PIR: variants seen among roughly 807,000 people sequenced by gnomAD.
The protein encoded by PIR is pirin (iron-binding nuclear protein).
A neutral mutation model predicts 24.2 loss-of-function variants in PIR; 22 were observed. The observed-to-expected ratio is 0.91, with a 90% CI of 0.65 to 1.30. The LOEUF is 1.30. PIR is among the 50% of genes most tolerant of loss of function. PIR has a pLI of 0.00. For missense variants in PIR, 220 were observed against 220.3 expected (o/e 1.00, Z 0.01); for synonymous variants, 80 against 79.6 (o/e 1.00, Z -0.03).
Position 15,456,600 on chromosome X carries a change from A to G in PIR, c.274-546T>C, listed in dbSNP as rs1255545060. On this transcript the variant is annotated intron_variant, in intron 4 of 9. Coordinates refer to ENST00000380420, the MANE Select transcript of PIR (RefSeq NM_001018109.3). ...GGGCCATCCCCAGGTGGAAAGCACA[A>G]CTTTGGGTGAGGCAATTCCCTGCTG... Among the ~76,000 whole-genome samples the G allele has an allele frequency of 4.4e-5, 5 of 112,443 alleles. No individual in the cohort carries two copies. The Admixed American group carries it at 4.7e-4, about 11-fold the overall frequency.
intron 4 of PIR, among the ~76,000 whole-genome samples, chrX:15,459,384 G>A (rs1486634418): frequency 8.9e-6 from 1 of 111,975 alleles, no homozygotes; most frequent in African/African-American, 3.2e-5. Flanking sequence ...AGATAAGGAA[G>A]TTGGGATATC....
chrX:15,459,637 T>A lies in PIR; in HGVS notation c.273+20A>T, dbSNP rs1354599711. The A allele has an allele frequency of 9.2e-7, 1 of 1,091,695 alleles. No individual in the cohort carries two copies. The highest frequency in any genetic ancestry group is 2.2e-5 in the Admixed American group (1 of 45,667). The allele number at this position is 1,091,695 out of a possible 1,213,427, so 90.0% of individuals were successfully genotyped here. ...CCAAAAACTACTAAACCACCAGCAA[T>A]TCCTTGTCCTTGGCCATACCTGCAA... On this transcript the variant is annotated intron_variant, in intron 4 of 9. Coordinates refer to ENST00000380420, the MANE Select transcript of PIR (RefSeq NM_001018109.3).
chrX:15,431,673 C>A lies in PIR; in HGVS notation c.481-5683G>T, dbSNP rs1297291656. 1.5e-4 allele frequency among the ~76,000 whole-genome samples: 14 copies of A among 96,539 alleles called. 1 individual carries two copies. In the East Asian group the frequency reaches 4.4e-3, roughly 30 times the overall value. The allele number at this position is 96,539 out of a possible 115,157, so 83.8% of individuals were successfully genotyped here. A position where few individuals can be genotyped will look rare whatever the true frequency, so the allele number is the denominator to read the frequency against. On this transcript the variant is annotated intron_variant, in intron 5 of 9. Transcript: ENST00000380420. The stretch of plus-strand genomic sequence containing the variant: ...AAGGTAAAAGTTAAAAAATAACCAC[C>A]CCCCCCCCGAAAACCTTTGGAAAAT...
intron 5 of PIR, among the ~76,000 whole-genome samples, chrX:15,441,313 T>C (rs1489928391): frequency 2.7e-5 from 3 of 111,925 alleles, no homozygotes; most frequent in African/African-American, 6.5e-5. Flanking sequence ...AGTTTGATGA[T>C]AGGAGAGGTT....
chrX:15,437,766 A>G (rs1925795285), intron 5 of PIR, among the ~76,000 whole-genome samples: 1 of 112,258 alleles, frequency 8.9e-6, no homozygotes, highest in African/African-American at 3.2e-5. Context: ...GTCCTTCAGA[A>G]CTCTCTAATC....
Position 15,385,081 on chromosome X carries a change from G to A in PIR, c.796C>T (p.Gln266Ter), listed in dbSNP as rs1469525799. ...GCGTTTCTGAAATCAAGAATAGCTT[G>A]AGAAATCTCTTCATTGGTGTTCATC... ...FVMNTNEEIS[Q>*]AILDFRNAKN... The change falls in exon 10 of 10, where the codon CAA (glutamine) becomes TAA (stop). Residue 266 changes from glutamine (Q) to a stop codon, truncating the protein, a stop_gained. Coordinates refer to ENST00000380420, the MANE Select transcript of PIR (RefSeq NM_001018109.3). LOFTEE classifies it high-confidence loss of function. 8.4e-7 allele frequency: 1 copy of A among 1,189,144 alleles called. No homozygotes were observed. Among genetic ancestry groups the A allele is most frequent in the East Asian group, 3.0e-5 (1 of 33,644 alleles).
At chrX:15,455,463 G>A (rs1376567708) in intron 5 of PIR, among the ~76,000 whole-genome samples, 5 of 112,326 alleles carry the variant, frequency 4.5e-5, no homozygotes, top group African/African-American at 1.6e-4. Context: ...TTTGTGAAGT[G>A]GAGTTTAGTC....
At chrX:15,440,044 C>T (rs928225217) in intron 5 of PIR, among the ~76,000 whole-genome samples, 6 of 111,227 alleles carry the variant, frequency 5.4e-5, no homozygotes, top group African/African-American at 2.0e-4. Context: ...ATTGGCTGTA[C>T]ACTATATTCC....
chrX:15,433,511 GGAAA>G lies in PIR; in HGVS notation c.481-7525_481-7522del, dbSNP rs765522981. Among the ~76,000 whole-genome samples the G allele has an allele frequency of 1.1e-3, 54 of 48,106 alleles. 1 individual carries two copies. Among genetic ancestry groups the G allele is most frequent in the Middle Eastern group, 0.028 (2 of 71 alleles). The allele number at this position is 48,106 out of a possible 115,157, so 41.8% of individuals were successfully genotyped here. On this transcript the variant is annotated intron_variant, in intron 5 of 9. Coordinates refer to ENST00000380420, the MANE Select transcript of PIR (RefSeq NM_001018109.3). ...AGAGGAAGAAGAAGGAGGAGGAGGAGGAAAGAAAGAAAGAAAGAAAGAAAGAAAG... is the reference window on the plus strand; with the variant it reads ...AGAGGAAGAAGAAGGAGGAGGAGGAGGAAAGAAAGAAAGAAAGAAAGAAAG...
At chrX:15,443,193 C>T (rs943659068) in intron 5 of PIR, among the ~76,000 whole-genome samples, 5 of 112,081 alleles carry the variant, frequency 4.5e-5, no homozygotes, top group Non-Finnish European at 9.4e-5. Flanking sequence ...ATCTACACTA[C>T]TTGTGTTCTA....
At chrX:15,490,282 T>C (rs1206968605) in intron 2 of PIR, among the ~76,000 whole-genome samples, 2 of 112,087 alleles carry the variant, frequency 1.8e-5, no homozygotes, top group Non-Finnish European at 3.8e-5. Context: ...TAAAACCCTA[T>C]AAATACATTT....
intron 6 of PIR, among the ~76,000 whole-genome samples, chrX:15,413,341 C>A (rs966030632): frequency 9.0e-6 from 1 of 111,534 alleles, no homozygotes; most frequent in Non-Finnish European, 1.9e-5. Flanking sequence ...TCTTCGACTG[C>A]GGAGCAAAGC....
intron 6 of PIR, among the ~76,000 whole-genome samples, chrX:15,411,227 A>T (rs1264336580): frequency 1.8e-5 from 2 of 111,905 alleles, no homozygotes; most frequent in African/African-American, 6.5e-5. Context: ...GGGAGGTCAC[A>T]TTTTCGTTCT....
rs544286081 is a variant in PIR, at chrX:15,425,171, C to A, written c.565+735G>T. Among the ~76,000 whole-genome samples the A allele has an allele frequency of 4.1e-4, 45 of 110,812 alleles. No homozygotes were observed. In the South Asian group the frequency reaches 0.016, roughly 40 times the overall value. On this transcript the variant is annotated intron_variant, in intron 6 of 9. Coordinates refer to ENST00000380420, the MANE Select transcript of PIR (RefSeq NM_001018109.3). Reference sequence around the variant, plus strand: ...AAAACCTGTATCTCAATCAAGTATGCACTTGTGTATAAGTAACACAGGTCC... The same window carrying A: ...AAAACCTGTATCTCAATCAAGTATGAACTTGTGTATAAGTAACACAGGTCC...
At chrX:15,410,839 T>C (rs982572620) in intron 6 of PIR, among the ~76,000 whole-genome samples, 1 of 112,591 alleles carries the variant, frequency 8.9e-6, no homozygotes, top group Admixed American at 9.4e-5. Context: ...TTTTCTTTCT[T>C]TTTAGCATGA....
chrX:15,435,614 C>A (rs1235171163), intron 5 of PIR, among the ~76,000 whole-genome samples: 4 of 111,552 alleles, frequency 3.6e-5, no homozygotes, highest in Non-Finnish European at 7.5e-5. Context: ...TCCCAATGTC[C>A]TCATCTTCCT....
At chrX:15,392,502 G>C (rs752209636) in intron 8 of PIR, among the ~76,000 whole-genome samples, 1 of 111,284 alleles carries the variant, frequency 9.0e-6, no homozygotes, top group Non-Finnish European at 1.9e-5. Flanking sequence ...AAGATTACTG[G>C]ATTCAATAAA....
At chrX:15,465,585 G>T (rs769851686) in intron 3 of PIR, among the ~76,000 whole-genome samples, 3 of 112,179 alleles carry the variant, frequency 2.7e-5, no homozygotes, top group African/African-American at 9.7e-5. Flanking sequence ...ATCTGAAACA[G>T]GTGTTTTCTT....
At chrX:15,475,662 A>G (rs1266319216) in intron 3 of PIR, among the ~76,000 whole-genome samples, 3 of 112,440 alleles carry the variant, frequency 2.7e-5, no homozygotes, top group Admixed American at 9.4e-5. Flanking sequence ...GCTAAACTTT[A>G]GCGGGACTTT....
Sources: gnomAD v4.1 joint callset for allele counts (sites outside exome capture counted in the v4.1 genomes callset) on GRCh38, gnomAD v4.1.1 for gene constraint, MANE v1.5 for transcripts, NCBI Gene and HGNC (gene_info 2026-07-23, HGNC 2026-07-21) for gene names.